MAP4: variants seen among roughly 807,000 people sequenced by gnomAD.
MAP4 encodes microtubule associated protein 4, also known as microtubule-associated protein 4.
Under a neutral mutation model 170.2 loss-of-function variants are expected in MAP4, and 76 were observed. The observed-to-expected ratio is 0.45, with a 90% CI of 0.37 to 0.54. The LOEUF (loss-of-function observed/expected upper bound fraction) is 0.54, where lower values mean the gene tolerates loss of function less well. MAP4 is among the 20% of genes least tolerant of loss of function. The probability of loss-of-function intolerance (pLI) is 0.00; values close to 1 mark genes in which losing one functional copy is unlikely to be tolerated. For missense variants in MAP4, 2,506 were observed against 2,748.0 expected, an observed-to-expected ratio of 0.91 and a Z score of 1.97; for synonymous variants, 909 against 994.5, an observed-to-expected ratio of 0.91 and a Z score of 1.62.
intron 4 of MAP4, among the ~76,000 whole-genome samples, chr3:47,927,512 G>T (rs2100046733): frequency 6.6e-6 from 1 of 152,068 alleles, no homozygotes; most frequent in South Asian, 2.1e-4. Flanking sequence ...TTTCGCTCTT[G>T]TTGCCCAGGC....
chr3:48,000,095 A>G (rs2100098278), intron 1 of MAP4, among the ~76,000 whole-genome samples: 1 of 151,466 alleles, frequency 6.6e-6, no homozygotes, highest in African/African-American at 2.4e-5. Flanking sequence ...GACACCTATA[A>G]TCCCAGCTAC....
intron 1 of MAP4, among the ~76,000 whole-genome samples, chr3:48,026,474 A>C (rs1421394543): frequency 6.6e-6 from 1 of 152,210 alleles, no homozygotes; most frequent in Non-Finnish European, 1.5e-5. Context: ...CTGAAGATGT[A>C]AGAAACGAAT....
chr3:47,916,001 G>A lies in MAP4; in HGVS notation c.1826C>T (p.Ser609Phe). ...AGCTGACTGCCCCACATCCTGCAGA[G>A]ATTCTAAATGGGAATCCTCACTTAT... ...KGISEDSHLESLQDVGQSAAP... is the reference protein window; with the variant it reads ...KGISEDSHLEFLQDVGQSAAP... Residue 609 changes from serine to phenylalanine, a missense_variant, in exon 7 of 21, where the codon TCT becomes TTT. Physicochemically the swap from Ser to Phe is radical, Grantham distance 155. Coordinates refer to ENST00000683076, the MANE Select transcript of MAP4 (RefSeq NM_001385682.1). 6.2e-7 allele frequency: 1 copy of A among 1,614,168 alleles called. No homozygotes were observed.
At chr3:47,899,047 G>A (rs1028411650) in intron 10 of MAP4, among the ~76,000 whole-genome samples, 4 of 152,206 alleles carry the variant, frequency 2.6e-5, no homozygotes, top group Admixed American at 6.5e-5. Flanking sequence ...TCTCAATCAG[G>A]GATGCAGATT....
At chr3:48,004,880 T>C (rs950569637) in intron 1 of MAP4, among the ~76,000 whole-genome samples, 2 of 152,008 alleles carry the variant, frequency 1.3e-5, no homozygotes, top group Non-Finnish European at 2.9e-5. Flanking sequence ...TCTACGGACA[T>C]AAACCCTGAG....
chr3:47,944,308 TCAAAAACAAAAA>T (rs1042210329), intron 3 of MAP4, among the ~76,000 whole-genome samples: 1 of 151,984 alleles, frequency 6.6e-6, no homozygotes, highest in East Asian at 1.9e-4. Flanking sequence ...AAACTCTGTC[TCAAAAACAAAAA>T]CAAAAACAAA....
At chr3:48,013,702 GGTTT>G (rs1559793523) in intron 1 of MAP4, among the ~76,000 whole-genome samples, 1 of 122,224 alleles carries the variant, frequency 8.2e-6, no homozygotes, top group African/African-American at 2.8e-5. Context: ...ATTGGGTTGA[GGTTT>G]ATTAAAAAAA....
At chr3:48,015,027 C>T (rs751243338) in intron 1 of MAP4, among the ~76,000 whole-genome samples, 4 of 151,652 alleles carry the variant, frequency 2.6e-5, no homozygotes, top group Admixed American at 6.6e-5. Flanking sequence ...GCCCAGGAGC[C>T]CTAGGAGGCA....
chr3:48,074,905 C>T (rs2100143089), intron 1 of MAP4, among the ~76,000 whole-genome samples: 1 of 151,950 alleles, frequency 6.6e-6, no homozygotes, highest in Admixed American at 6.6e-5. Context: ...AGTGGAAGAT[C>T]TGACATTGTT....
intron 1 of MAP4, among the ~76,000 whole-genome samples, chr3:48,065,648 C>G (rs1331482030): frequency 1.3e-5 from 2 of 152,214 alleles, no homozygotes; most frequent in Non-Finnish European, 2.9e-5. Flanking sequence ...GAAATCATAG[C>G]CACGAGGAAT....
intron 1 of MAP4, among the ~76,000 whole-genome samples, chr3:48,069,965 A>G (rs147320187): frequency 6.6e-6 from 1 of 152,082 alleles, no homozygotes; most frequent in East Asian, 1.9e-4. Context: ...TAAACTAGCA[A>G]TATTAGTGAA....
chr3:47,923,109 G>T (rs1166771798), intron 4 of MAP4, among the ~76,000 whole-genome samples: 1 of 151,752 alleles, frequency 6.6e-6, no homozygotes, highest in East Asian at 1.9e-4. Flanking sequence ...TTTCTGAAGA[G>T]GCCTTCTTGG....
In MAP4 at chr3:47,852,831, GC is replaced by G; in HGVS notation, c.*102del. 3 of 1,552,556 alleles carry G rather than the reference GC, an allele frequency of 1.9e-6. No homozygotes were observed. In the South Asian group the frequency reaches 3.5e-5, roughly 18 times the overall value. On this transcript the variant is annotated 3_prime_UTR_variant, in exon 21 of 21. Transcript: ENST00000683076. ...GGGAAAGGGGGCCAAGGACCCGGGAGCCCGAGTTGGGGCCGCCAGGGAAGTG... is the reference window on the plus strand; with the variant it reads ...GGGAAAGGGGGCCAAGGACCCGGGAGCCGAGTTGGGGCCGCCAGGGAAGTG...
At chr3:48,070,237 C>A (rs764042422) in intron 1 of MAP4, among the ~76,000 whole-genome samples, 1 of 151,596 alleles carries the variant, frequency 6.6e-6, no homozygotes, top group Non-Finnish European at 1.5e-5. Flanking sequence ...GCTACTTAAC[C>A]AGGCTTGTTT....
At chr3:48,006,238 A>G (rs1177727386) in intron 1 of MAP4, among the ~76,000 whole-genome samples, 1 of 152,134 alleles carries the variant, frequency 6.6e-6, no homozygotes, top group Non-Finnish European at 1.5e-5. Context: ...TACCCTTGAG[A>G]AAGGACCCCA....
At chr3:48,074,675 A>ATT (rs200984349) in intron 1 of MAP4, among the ~76,000 whole-genome samples, 2,161 of 14,604 alleles carry the variant, frequency 0.15, 228 homozygotes, top group African/African-American at 0.23. Flanking sequence ...CATCCAGCTA[A>ATT]TTGTGTGTGT....
chr3:47,983,826 C>T (rs1372530890), intron 2 of MAP4, among the ~76,000 whole-genome samples: 1 of 152,114 alleles, frequency 6.6e-6, no homozygotes, highest in Non-Finnish European at 1.5e-5. Context: ...GCCTCGTCCA[C>T]TGAGCTTTAA....
At position 47,947,543 on chromosome 3, in the gene MAP4, T is replaced by G. The variant is rs974368071; in HGVS notation, c.293-19193A>C. ...GAGAGAAATCTCAAGCCGGGTGTGG[T>G]GGCTCATGCCTGTAATCCCACCACT... On this transcript the variant is annotated intron_variant, in intron 3 of 20. Transcript: ENST00000683076. Among the ~76,000 whole-genome samples the G allele has an allele frequency of 5.9e-5, 9 of 151,674 alleles. No individual in the cohort carries two copies. The East Asian group carries it at 1.7e-3, about 29-fold the overall frequency.
intron 3 of MAP4, among the ~76,000 whole-genome samples, chr3:47,970,190 A>T (rs1489301630): frequency 6.6e-6 from 1 of 152,234 alleles, no homozygotes; most frequent in Non-Finnish European, 1.5e-5. Flanking sequence ...TAGGTTTTTT[A>T]AAAAGTCTTT....
Sources: allele counts gnomAD v4.1 joint callset (sites outside exome capture counted in the v4.1 genomes callset), GRCh38; gene constraint gnomAD v4.1.1; transcripts MANE v1.5; gene names NCBI Gene and HGNC (gene_info 2026-07-23, HGNC 2026-07-21).